CALN1: variants seen among roughly 807,000 people sequenced by gnomAD.
CALN1 encodes the protein calneuron 1.
Under a neutral mutation model 30.6 loss-of-function variants are expected in CALN1, and 17 were observed. The observed-to-expected ratio is 0.56, with a 90% CI of 0.38 to 0.83. The LOEUF (loss-of-function observed/expected upper bound fraction) is 0.83, where lower values mean the gene tolerates loss of function less well. Among genes scored for constraint, CALN1 ranks in the 40% least tolerant of loss-of-function variants. The pLI, the probability that CALN1 is intolerant of heterozygous loss-of-function variation, is 0.00. For missense variants in CALN1, 291 were observed against 354.9 expected (o/e 0.82, Z 1.45); for synonymous variants, 156 against 131.4 (o/e 1.19, Z -1.28).
chr7:72,102,902 G>A (rs1434798953), intron 4 of CALN1, among the ~76,000 whole-genome samples: 2 of 151,888 alleles, frequency 1.3e-5, no homozygotes, highest in Non-Finnish European at 2.9e-5. Flanking sequence ...GTGAAACCCT[G>A]TCTGTACTAA....
chr7:72,061,900 AT>A (rs1264440520), intron 4 of CALN1, among the ~76,000 whole-genome samples: 1 of 152,068 alleles, frequency 6.6e-6, no homozygotes, highest in Non-Finnish European at 1.5e-5. Flanking sequence ...ACATATCACA[AT>A]CAAATTGCTG....
In CALN1 at chr7:72,411,833, G is replaced by A. The variant is rs530298633; in HGVS notation, c.-74+225C>T. Among the ~76,000 whole-genome samples, 4 of 152,280 alleles carry A rather than the reference G, an allele frequency of 2.6e-5. No homozygotes were observed. The South Asian group carries it at 8.3e-4, about 32-fold the overall frequency. On this transcript the variant is annotated intron_variant, in intron 1 of 6. Transcript: ENST00000395275. ...AAGAAAAGAACCAAACAATTGTCCT[G>A]CTTTTTCCATACAGATTATATTCCA...
intron 3 of CALN1, among the ~76,000 whole-genome samples, chr7:72,114,257 GGGAA>G (rs1303135850): frequency 3.4e-5 from 2 of 58,936 alleles, no homozygotes; most frequent in Non-Finnish European, 3.1e-5. Flanking sequence ...GGGAAGGGAA[GGGAA>G]GGGAAGGGAA....
intron 3 of CALN1, among the ~76,000 whole-genome samples, chr7:72,248,225 C>T (rs1795320375): frequency 6.6e-6 from 1 of 152,162 alleles, no homozygotes; most frequent in East Asian, 1.9e-4. Context: ...AGCAATTCTC[C>T]TGCCTCAGCC....
intron 4 of CALN1, among the ~76,000 whole-genome samples, chr7:72,101,037 T>A (rs1806625203): frequency 6.6e-6 from 1 of 151,636 alleles, no homozygotes; most frequent in Non-Finnish European, 1.5e-5. Flanking sequence ...GATCTCAGCT[T>A]ACTGCAACCT....
chr7:71,858,395 A>G (rs1398822543), intron 5 of CALN1, among the ~76,000 whole-genome samples: 1 of 152,106 alleles, frequency 6.6e-6, no homozygotes, highest in Non-Finnish European at 1.5e-5. Context: ...AGAACAGACT[A>G]ATGCAACTCC....
rs548267859 is a variant in CALN1 at position 71,783,561 on chromosome 7, G to C, written c.*4214C>G. 1 of 152,658 alleles carries C rather than the reference G, an allele frequency of 6.6e-6. No individual in the cohort carries two copies. The highest frequency in any genetic ancestry group is 2.1e-4 in the South Asian group (1 of 4,828). 9.5% of individuals were successfully genotyped at this position (152,658 alleles called of 1,614,324 possible). ...AGGACATGTGACCACACGTGGCCAG[G>C]CCAGCCCAAACCAGGGAGCTGTCCT... On this transcript the variant is annotated 3_prime_UTR_variant, in exon 7 of 7. Coordinates refer to ENST00000395275, the MANE Select transcript of CALN1 (RefSeq NM_031468.4).
At chr7:71,805,851 C>G (rs1787575155) in intron 6 of CALN1, among the ~76,000 whole-genome samples, 1 of 152,112 alleles carries the variant, frequency 6.6e-6, no homozygotes, top group African/African-American at 2.4e-5. Flanking sequence ...ACACCATTTT[C>G]TGATAGACTG....
chr7:72,200,863 G>A (rs1412931766), intron 3 of CALN1, among the ~76,000 whole-genome samples: 1 of 152,170 alleles, frequency 6.6e-6, no homozygotes, highest in Non-Finnish European at 1.5e-5. Flanking sequence ...CCTGAGGAAA[G>A]CAACTTGGAG....
intron 6 of CALN1, among the ~76,000 whole-genome samples, chr7:71,797,972 T>C (rs995926960): frequency 3.3e-5 from 5 of 151,612 alleles, no homozygotes; most frequent in African/African-American, 1.2e-4. Context: ...TGATACCTTG[T>C]GAAGAGAGAG....
intron 4 of CALN1, among the ~76,000 whole-genome samples, chr7:72,072,921 G>A (rs1242502831): frequency 6.6e-6 from 1 of 151,994 alleles, no homozygotes; most frequent in East Asian, 1.9e-4. Flanking sequence ...AGAGAAATGA[G>A]AAAATAATTT....
chr7:72,204,368 T>C (rs1249209318), intron 3 of CALN1, among the ~76,000 whole-genome samples: 4 of 151,928 alleles, frequency 2.6e-5, no homozygotes, highest in Non-Finnish European at 2.9e-5. Flanking sequence ...TTGTTCATAA[T>C]GTATCAAATT....
chr7:72,167,715 G>C (rs1172173488), intron 3 of CALN1, among the ~76,000 whole-genome samples: 1 of 152,180 alleles, frequency 6.6e-6, no homozygotes, highest in African/African-American at 2.4e-5. Context: ...CTCTGAGATG[G>C]TTTTTCTTCC....
chr7:72,058,767 C>T (rs1160666577), intron 4 of CALN1, among the ~76,000 whole-genome samples: 3 of 152,146 alleles, frequency 2.0e-5, no homozygotes, highest in Non-Finnish European at 4.4e-5. Flanking sequence ...AAAAATACGC[C>T]TTTGCCCCAT....
At chr7:71,976,773 A>G (rs1798119994) in intron 5 of CALN1, among the ~76,000 whole-genome samples, 1 of 152,210 alleles carries the variant, frequency 6.6e-6, no homozygotes, top group Non-Finnish European at 1.5e-5. Flanking sequence ...AGATAAAAGA[A>G]CTGACTGAAA....
intron 2 of CALN1, among the ~76,000 whole-genome samples, chr7:72,310,577 G>A (rs1205495649): frequency 1.3e-5 from 2 of 151,838 alleles, no homozygotes; most frequent in Admixed American, 1.3e-4. Context: ...TGTGGCGGTG[G>A]ACACTTGATG....
At chr7:71,856,574 T>C (rs888966401) in intron 5 of CALN1, among the ~76,000 whole-genome samples, 1 of 152,136 alleles carries the variant, frequency 6.6e-6, no homozygotes, top group Non-Finnish European at 1.5e-5. Context: ...CTGGAAAAAA[T>C]AGATCATACT....
chr7:71,947,167 C>A (rs1181353715), intron 5 of CALN1, among the ~76,000 whole-genome samples: 1 of 152,010 alleles, frequency 6.6e-6, no homozygotes, highest in African/African-American at 2.4e-5. Flanking sequence ...CCCACCACCA[C>A]GCCTGGCTAA....
At chr7:72,047,208 A>G (rs922625091) in intron 4 of CALN1, among the ~76,000 whole-genome samples, 22 of 152,242 alleles carry the variant, frequency 1.4e-4, no homozygotes, top group African/African-American at 4.6e-4. Flanking sequence ...AAGGTTAAGA[A>G]ACACCTGCTT....
Sources: allele counts gnomAD v4.1 joint callset (sites outside exome capture counted in the v4.1 genomes callset), GRCh38; gene constraint gnomAD v4.1.1; transcripts MANE v1.5; gene names NCBI Gene and HGNC (gene_info 2026-07-23, HGNC 2026-07-21).